Variants in GATAD2B observed in about 807,000 individuals in gnomAD.
GATAD2B encodes transcriptional repressor p66-beta.
Under a neutral mutation model 64.3 loss-of-function variants are expected in GATAD2B, and 8 were observed. The observed-to-expected ratio is 0.12, with a 90% confidence interval of 0.07 to 0.22. The LOEUF (loss-of-function observed/expected upper bound fraction) is 0.22. Among genes scored for constraint, GATAD2B ranks in the 10% least tolerant of loss-of-function variants. The pLI, the probability that GATAD2B is intolerant of heterozygous loss-of-function variation, is 1.00. For synonymous variants in GATAD2B, 281 were observed against 271.3 expected (o/e 1.04, Z -0.35); for missense variants, 453 against 752.0 (o/e 0.60, Z 4.65).
chr1:153,874,266 G>GA (rs150655980), intron 1 of GATAD2B, among the ~76,000 whole-genome samples: 44,059 of 145,040 alleles, frequency 0.3, 6,572 homozygotes, highest in Admixed American at 0.4. Context: ...CGTCTCAAAA[G>GA]AAAAAAAAAA....
At chr1:153,821,726 G>A (rs539860385) in intron 2 of GATAD2B, among the ~76,000 whole-genome samples, 2 of 152,016 alleles carry the variant, frequency 1.3e-5, no homozygotes, top group African/African-American at 4.8e-5. Flanking sequence ...ACCGCGCCTG[G>A]CTAATTTTTT....
At chr1:153,867,107 T>A (rs1207361320) in intron 1 of GATAD2B, among the ~76,000 whole-genome samples, 1 of 151,990 alleles carries the variant, frequency 6.6e-6, no homozygotes, top group Non-Finnish European at 1.5e-5. Context: ...AGGATTACCT[T>A]AGAGGTTGGA....
intron 1 of GATAD2B, among the ~76,000 whole-genome samples, chr1:153,843,025 C>T (rs1431920613): frequency 6.7e-6 from 1 of 149,478 alleles, no homozygotes; most frequent in Non-Finnish European, 1.5e-5. Flanking sequence ...CATGTCGGCT[C>T]ACTGCAACCT....
rs1674496118 is a variant in GATAD2B at position 153,816,808 on chromosome 1, G to A, written c.901-220C>T. Among the ~76,000 whole-genome samples, 1 of 152,334 alleles carries A rather than the reference G, an allele frequency of 6.6e-6. No homozygotes were observed. The highest frequency in any genetic ancestry group is 1.9e-4 in the East Asian group (1 of 5,188). ...TTGCTAAGAGAGAAATAAAGGCCACGCGTGGTGGCTCACGCCTATAATCTC... is the reference window on the plus strand; with the variant it reads ...TTGCTAAGAGAGAAATAAAGGCCACACGTGGTGGCTCACGCCTATAATCTC... On this transcript the variant is annotated intron_variant, in intron 6 of 10. Transcript: ENST00000368655. This position sits in a 1 kb window ranked among gnomAD's most constrained non-coding sequence, Gnocchi z 4.9.
intron 1 of GATAD2B, among the ~76,000 whole-genome samples, chr1:153,847,479 C>T (rs1399884886): frequency 1.3e-5 from 2 of 152,146 alleles, no homozygotes; most frequent in African/African-American, 4.8e-5. Context: ...CACTCCTGAA[C>T]TCAAGTGATC....
chr1:153,872,724 T>TA (rs1676710172), intron 1 of GATAD2B, among the ~76,000 whole-genome samples: 1 of 152,204 alleles, frequency 6.6e-6, no homozygotes, highest in Non-Finnish European at 1.5e-5. Context: ...CTAAATAACG[T>TA]ACTTTGTTGG....
chr1:153,819,756 A>G (rs1383140906), intron 2 of GATAD2B, 21 bp from the exon 3 acceptor site: 1 of 1,574,510 alleles, frequency 6.4e-7, no homozygotes. Context: ...AAGGGAAAAA[A>G]TAAGCTATTT....
At chr1:153,909,625 C>T (rs1356621387) in intron 1 of GATAD2B, among the ~76,000 whole-genome samples, 3 of 151,628 alleles carry the variant, frequency 2.0e-5, no homozygotes, top group Non-Finnish European at 4.4e-5. Context: ...ATGGTGAAAC[C>T]TGTCTCTATT....
At chr1:153,869,255 G>A (rs992087216) in intron 1 of GATAD2B, among the ~76,000 whole-genome samples, 2 of 148,538 alleles carry the variant, frequency 1.3e-5, no homozygotes, top group Non-Finnish European at 3.0e-5. Context: ...TAGTGCCACT[G>A]CACTACAGCC....
At chr1:153,815,654 G>GA (rs905020481) in intron 7 of GATAD2B, among the ~76,000 whole-genome samples, 5 of 145,730 alleles carry the variant, frequency 3.4e-5, no homozygotes, top group East Asian at 2.0e-4. Context: ...CTGCTGAAGG[G>GA]AAAAAAAAAC....
chr1:153,853,711 T>C (rs1239715125), intron 1 of GATAD2B, among the ~76,000 whole-genome samples: 1 of 152,194 alleles, frequency 6.6e-6, no homozygotes, highest in Non-Finnish European at 1.5e-5. Context: ...TTTCCCTGTT[T>C]TCTTCTTATG....
chr1:153,818,756 C>G, intron 4 of GATAD2B, 35 bp downstream of exon 4: 1 of 1,598,458 alleles, frequency 6.3e-7, no homozygotes, highest in Non-Finnish European at 8.5e-7. Flanking sequence ...TTTTTCTTTC[C>G]TTTCCCTTAG....
chr1:153,864,938 C>T (rs1395413500), intron 1 of GATAD2B, among the ~76,000 whole-genome samples: 2 of 152,042 alleles, frequency 1.3e-5, no homozygotes, highest in African/African-American at 2.4e-5. Context: ...GGCACAGTGG[C>T]GTGTGCCTGT....
chr1:153,890,842 C>T (rs1393439793), intron 1 of GATAD2B: 2 of 152,206 alleles, frequency 1.3e-5, no homozygotes, highest in East Asian at 3.8e-4. Context: ...TCATTAAACG[C>T]ATGCCAGAAC....
rs768094054 is a variant in GATAD2B at position 153,812,064 on chromosome 1, G to A, written c.1488C>T (p.Val496=). 4 of 1,612,816 alleles carry A rather than the reference G, an allele frequency of 2.5e-6. No individual in the cohort carries two copies. Among genetic ancestry groups the A allele is most frequent in the Non-Finnish European group, 3.4e-6 (4 of 1,179,100 alleles). The change falls in exon 9 of 11, where the codon GTC becomes GTT. Residue 496 remains valine (V), a synonymous_variant. Transcript: ENST00000368655. ...SPTTAPAVSS[V]SKQETIMRHH... is the part of the protein sequence containing the mutation. ...GTCTCATGATGGTCTCTTGTTTACT[G>A]ACACTGGACACAGCTGGAGCCGTAG... is the stretch of plus-strand genomic sequence containing the variant.
At chr1:153,885,453 G>A (rs976316346) in intron 1 of GATAD2B, among the ~76,000 whole-genome samples, 4 of 152,080 alleles carry the variant, frequency 2.6e-5, no homozygotes, top group African/African-American at 9.7e-5. Context: ...TGGGCATGGT[G>A]GCTCACACTT....
At chr1:153,919,510 C>G (rs992154316) in intron 1 of GATAD2B, among the ~76,000 whole-genome samples, 1 of 152,194 alleles carries the variant, frequency 6.6e-6, no homozygotes, top group African/African-American at 2.4e-5. Context: ...AAGGAGGTTG[C>G]TGCTTCAAGG....
intron 1 of GATAD2B, among the ~76,000 whole-genome samples, chr1:153,884,872 T>C (rs1677131198): frequency 6.6e-6 from 1 of 151,912 alleles, no homozygotes; most frequent in Admixed American, 6.6e-5. Context: ...TTCTCCTGCC[T>C]CAGCCTCCCA....
chr1:153,892,696 T>C (rs967360305), intron 1 of GATAD2B, among the ~76,000 whole-genome samples: 1 of 146,114 alleles, frequency 6.8e-6, no homozygotes, highest in East Asian at 2.0e-4. Flanking sequence ...AGAAACCTTT[T>C]TTTTTTTTTT....
Sources: allele counts gnomAD v4.1 joint callset (sites outside exome capture counted in the v4.1 genomes callset), GRCh38; gene constraint gnomAD v4.1.1; non-coding constraint Gnocchi (gnomAD v3.1); transcripts MANE v1.5; gene names NCBI Gene and HGNC (gene_info 2026-07-23, HGNC 2026-07-21).